The following NAV3 variants were observed in gnomAD, a reference collection of about 807,000 sequenced individuals.
NAV3 encodes the protein neuron navigator 3, also known as pore membrane and/or filament interacting like protein 1.
In NAV3, 87 loss-of-function variants were observed where a neutral mutation model predicts 244.7. That is an observed-to-expected ratio of 0.36 (90% CI 0.30 to 0.42). The LOEUF (loss-of-function observed/expected upper bound fraction) is 0.42. NAV3 is among the 20% of genes least tolerant of loss of function. The probability of loss-of-function intolerance (pLI) is 1.00; values close to 1 mark genes in which losing one functional copy is unlikely to be tolerated. For missense variants in NAV3, 2,663 were observed against 2,893.3 expected (o/e 0.92, Z 1.83); for synonymous variants, 1,126 against 1,042.2 (o/e 1.08, Z -1.55).
At chr12:78,050,484 G>T (rs1302142373) in intron 10 of NAV3, among the ~76,000 whole-genome samples, 1 of 152,114 alleles carries the variant, frequency 6.6e-6, no homozygotes, top group Non-Finnish European at 1.5e-5. Context: ...AATAGGTCTG[G>T]GAAGGTTACA....
At chr12:77,967,678 T>A (rs1892638175) in intron 4 of NAV3, among the ~76,000 whole-genome samples, 1 of 152,040 alleles carries the variant, frequency 6.6e-6, no homozygotes, top group African/African-American at 2.4e-5. Context: ...TCTTTTCCTA[T>A]TTTTTTAAGT....
At chr12:77,702,788 A>T (rs933844590) in intron 2 of NAV3, among the ~76,000 whole-genome samples, 4 of 151,994 alleles carry the variant, frequency 2.6e-5, no homozygotes, top group African/African-American at 9.7e-5. Flanking sequence ...CTTTAAATAG[A>T]CAAGAGTCTT....
rs199775574 is a variant in NAV3, at chr12:78,146,403, A to T, written c.4707+11A>T. ...AAGGCTCATTCAGAGGTAAAAAAAA[A>T]ATATGCAATATTTTAATATTTTCTA... On this transcript the variant is annotated intron_variant, in intron 21 of 39. Transcript: ENST00000397909. 2,070 of 1,074,478 alleles carry T rather than the reference A, an allele frequency of 1.9e-3. 4 individuals are homozygous for T. The highest frequency in any genetic ancestry group is 2.4e-3 in the Non-Finnish European group (1,839 of 770,824). 66.6% of individuals were successfully genotyped at this position (1,074,478 alleles called of 1,614,324 possible). A position where few individuals can be genotyped will look rare whatever the true frequency, so the allele number is the denominator to read the frequency against.
intron 2 of NAV3, among the ~76,000 whole-genome samples, chr12:77,761,005 A>G (rs1645894868): frequency 6.6e-6 from 1 of 152,194 alleles, no homozygotes; most frequent in Non-Finnish European, 1.5e-5. Flanking sequence ...TCACTGAAAG[A>G]GGAGAGATTT....
At chr12:77,789,453 C>T (rs932410319) in intron 2 of NAV3, among the ~76,000 whole-genome samples, 2 of 151,612 alleles carry the variant, frequency 1.3e-5, no homozygotes, top group Admixed American at 6.6e-5. Flanking sequence ...CTTTCCTGGC[C>T]ACATTGGAAG....
intron 12 of NAV3, among the ~76,000 whole-genome samples, chr12:78,092,541 C>G (rs1015617457): frequency 7.0e-6 from 1 of 142,006 alleles, no homozygotes; most frequent in Non-Finnish European, 1.5e-5. Context: ...GCTCTGTCGC[C>G]CAGGCTGTAG....
At chr12:77,852,036 G>C (rs527954038) in intron 1 of NAV3, among the ~76,000 whole-genome samples, 1 of 152,220 alleles carries the variant, frequency 6.6e-6, no homozygotes, top group East Asian at 1.9e-4. Context: ...GACTAAGCTT[G>C]GAGAAGTAAG....
At chr12:78,199,768 G>A (rs1959442045) in intron 37 of NAV3, among the ~76,000 whole-genome samples, 1 of 151,750 alleles carries the variant, frequency 6.6e-6, no homozygotes, top group Non-Finnish European at 1.5e-5. Flanking sequence ...AGTTCAATAT[G>A]GGCAAATATC....
chr12:78,031,509 A>G (rs796939249), intron 9 of NAV3, among the ~76,000 whole-genome samples: 44 of 152,138 alleles, frequency 2.9e-4, no homozygotes, highest in African/African-American at 1.0e-3. Flanking sequence ...TGAGGTTGTT[A>G]TAAGAGAAAA....
Position 78,110,692 on chromosome 12 carries a change from TAG to T in NAV3, c.2637-6079_2637-6078del, listed in dbSNP as rs1955047772. ...AAATAAAGCCATATATATATATATA[TAG>T]TGTGTGTGTGTGTATACACACATAC... On this transcript the variant is annotated intron_variant, in intron 12 of 39. Transcript: ENST00000397909. Among the ~76,000 whole-genome samples, 7 of 151,204 alleles carry T rather than the reference TAG, an allele frequency of 4.6e-5. No homozygotes were observed. The South Asian group carries it at 1.2e-3, about 27-fold the overall frequency.
intron 2 of NAV3, among the ~76,000 whole-genome samples, chr12:77,663,735 G>A (rs1219527614): frequency 6.6e-6 from 1 of 152,022 alleles, no homozygotes; most frequent in Non-Finnish European, 1.5e-5. Context: ...TGGTCAGGCT[G>A]GTCTCGAACT....
At chr12:77,868,569 A>G (rs1880436451) in intron 1 of NAV3, among the ~76,000 whole-genome samples, 3 of 152,038 alleles carry the variant, frequency 2.0e-5, no homozygotes, top group Non-Finnish European at 4.4e-5. Flanking sequence ...CAGCCTGGCC[A>G]ACATGGTGAA....
chr12:78,166,911 A>G (rs2139523794), intron 23 of NAV3, among the ~76,000 whole-genome samples: 1 of 151,894 alleles, frequency 6.6e-6, no homozygotes, highest in East Asian at 1.9e-4. Context: ...AATCCGTAGT[A>G]CAAGCATTAT....
intron 3 of NAV3, among the ~76,000 whole-genome samples, chr12:77,958,432 G>T (rs1303876235): frequency 6.6e-6 from 1 of 152,102 alleles, no homozygotes; most frequent in Non-Finnish European, 1.5e-5. Context: ...AGTGTTACAG[G>T]ATGCTAATAT....
At chr12:77,690,287 G>T (rs1874944080) in intron 2 of NAV3, among the ~76,000 whole-genome samples, 1 of 151,610 alleles carries the variant, frequency 6.6e-6, no homozygotes, top group African/African-American at 2.4e-5. Context: ...GGAAGTCTTG[G>T]GTCACTTTGA....
At chr12:78,017,566 C>T (rs1876438457) in intron 8 of NAV3, among the ~76,000 whole-genome samples, 1 of 152,056 alleles carries the variant, frequency 6.6e-6, no homozygotes, top group Non-Finnish European at 1.5e-5. Context: ...GACCATGTTG[C>T]TGAATATTTT....
chr12:78,160,670 T>C (rs1957504611), intron 23 of NAV3, among the ~76,000 whole-genome samples: 2 of 152,224 alleles, frequency 1.3e-5, no homozygotes, highest in Admixed American at 6.6e-5. Flanking sequence ...AATAGTTCAA[T>C]GAAATCAAAA....
At chr12:78,104,842 T>C (rs1337125383) in intron 12 of NAV3, among the ~76,000 whole-genome samples, 2 of 152,180 alleles carry the variant, frequency 1.3e-5, no homozygotes, top group Non-Finnish European at 2.9e-5. Context: ...CCATACCTTA[T>C]GTGGCCTTTT....
At chr12:78,034,542 T>C (rs1879528442) in intron 9 of NAV3, among the ~76,000 whole-genome samples, 1 of 152,212 alleles carries the variant, frequency 6.6e-6, no homozygotes, top group South Asian at 2.1e-4. Flanking sequence ...CAGTCTTGAA[T>C]AAGGAAAGGG....
Sources: allele counts gnomAD v4.1 joint callset (sites outside exome capture counted in the v4.1 genomes callset), GRCh38; gene constraint gnomAD v4.1.1; transcripts MANE v1.5; gene names NCBI Gene and HGNC (gene_info 2026-07-23, HGNC 2026-07-21).